Variants in JADE3 observed in about 807,000 individuals in gnomAD.
JADE3 encodes protein Jade-3.
A neutral mutation model predicts 50.1 loss-of-function variants in JADE3; 2 were observed. The observed-to-expected ratio is 0.04, with a 90% CI of 0.02 to 0.13. The LOEUF (loss-of-function observed/expected upper bound fraction) is 0.13, where lower values mean the gene tolerates loss of function less well. JADE3 is among the 10% of genes least tolerant of loss of function. JADE3 has a pLI of 1.00. For synonymous variants in JADE3, 218 were observed against 232.9 expected, an observed-to-expected ratio of 0.94 and a Z score of 0.58; for missense variants, 475 against 634.4, an observed-to-expected ratio of 0.75 and a Z score of 2.70.
At chrX:47,041,548 A>T (rs1364036134) in intron 8 of JADE3, among the ~76,000 whole-genome samples, 2 of 110,603 alleles carry the variant, frequency 1.8e-5, no homozygotes, top group Non-Finnish European at 3.8e-5. Flanking sequence ...TGGCTCATTT[A>T]AAAAATTTTT....
intron 8 of JADE3, among the ~76,000 whole-genome samples, chrX:47,041,455 A>G (rs1421845374): frequency 9.1e-6 from 1 of 110,259 alleles, no homozygotes; most frequent in Non-Finnish European, 1.9e-5. Context: ...CAGTGACACA[A>G]TCATAGCTCA....
chrX:46,944,758 G>T (rs1384019554), intron 1 of JADE3, among the ~76,000 whole-genome samples: 1 of 111,409 alleles, frequency 9.0e-6, no homozygotes, highest in East Asian at 2.8e-4. Context: ...TAATAAAAAT[G>T]TTACTCTCTT....
chrX:47,059,249 C>G lies in JADE3; in HGVS notation c.*172C>G, dbSNP rs1238308017. ...GAAAATGTTTCAAGTCTAGTTTTTA[C>G]AAGCACATTACAGTAATTGCAGGTT... On this transcript the variant is annotated 3_prime_UTR_variant, in exon 11 of 11. Transcript: ENST00000614628. 5 of 435,963 alleles carry G rather than the reference C, an allele frequency of 1.1e-5. No individual in the cohort carries two copies. The highest frequency in any genetic ancestry group is 6.4e-4 in the Middle Eastern group (1 of 1,558). 35.9% of individuals were successfully genotyped at this position (435,963 alleles called of 1,213,427 possible). A position where few individuals can be genotyped will look rare whatever the true frequency, so the allele number is the denominator to read the frequency against.
At chrX:46,997,314 GC>G (rs1556357630) in intron 3 of JADE3, among the ~76,000 whole-genome samples, 2 of 110,189 alleles carry the variant, frequency 1.8e-5, no homozygotes, top group African/African-American at 6.6e-5. Context: ...ACCAGCCTGG[GC>G]AACCTGTCGA....
At chrX:46,959,459 G>A (rs782501429) in intron 1 of JADE3, among the ~76,000 whole-genome samples, 1 of 111,987 alleles carries the variant, frequency 8.9e-6, no homozygotes, top group African/African-American at 3.2e-5. Flanking sequence ...TAGGCTCTGT[G>A]GTTATCACAG....
intron 6 of JADE3, among the ~76,000 whole-genome samples, chrX:47,031,133 A>G (rs1297642521): frequency 3.6e-5 from 4 of 111,486 alleles, no homozygotes; most frequent in East Asian, 2.8e-4. Context: ...TAAGTCCACA[A>G]AAGGGCTCAG....
intron 3 of JADE3, among the ~76,000 whole-genome samples, chrX:46,989,117 C>T (rs1473906308): frequency 8.9e-6 from 1 of 111,817 alleles, no homozygotes; most frequent in East Asian, 2.8e-4. Context: ...GGATTACAGA[C>T]GTGAGCCACT....
At chrX:47,028,153 C>T (rs782258766) in intron 6 of JADE3, 50 bp downstream of exon 6, 1 of 893,690 alleles carries the variant, frequency 1.1e-6, no homozygotes, top group Non-Finnish European at 1.6e-6. Context: ...CTTTCTGAAG[C>T]TCAGTGATGA....
chrX:47,020,861 T>A (rs1204358386), intron 4 of JADE3, among the ~76,000 whole-genome samples: 1 of 111,713 alleles, frequency 9.0e-6, no homozygotes, highest in Non-Finnish European at 1.9e-5. Context: ...ATGCCTGTAA[T>A]ACCAGCACTT....
At chrX:46,927,906 G>A (rs1358250709) in intron 1 of JADE3, among the ~76,000 whole-genome samples, 2 of 111,826 alleles carry the variant, frequency 1.8e-5, no homozygotes, top group African/African-American at 3.3e-5. Flanking sequence ...TATGAGGTGC[G>A]CACAGAAGAC....
intron 1 of JADE3, among the ~76,000 whole-genome samples, chrX:46,924,851 A>G (rs1239049152): frequency 8.9e-6 from 1 of 112,390 alleles, no homozygotes; most frequent in Non-Finnish European, 1.9e-5. Context: ...GCATGATTTT[A>G]TCTATTTAGA....
intron 1 of JADE3, among the ~76,000 whole-genome samples, chrX:46,937,906 G>T (rs1926668404): frequency 8.9e-6 from 1 of 111,751 alleles, no homozygotes; most frequent in Admixed American, 9.5e-5. Flanking sequence ...TTTGAACCTG[G>T]GAGGTGGAGG....
intron 1 of JADE3, among the ~76,000 whole-genome samples, chrX:46,964,306 G>A (rs1292429311): frequency 8.9e-6 from 1 of 112,022 alleles, no homozygotes; most frequent in Non-Finnish European, 1.9e-5. Flanking sequence ...GTGAGCTTGT[G>A]ACTACTTCAA....
intron 8 of JADE3, among the ~76,000 whole-genome samples, chrX:47,047,771 T>C (rs1929409727): frequency 9.0e-6 from 1 of 111,724 alleles, no homozygotes; most frequent in African/African-American, 3.3e-5. Flanking sequence ...TACTCCTAAG[T>C]ATATACTGCA....
chrX:47,002,902 T>G (rs1556359469), intron 4 of JADE3, among the ~76,000 whole-genome samples: 1 of 111,573 alleles, frequency 9.0e-6, no homozygotes, highest in Non-Finnish European at 1.9e-5. Context: ...CTTTCAGTCT[T>G]TCAATATATT....
chrX:46,945,558 T>A (rs1463179198), intron 1 of JADE3, among the ~76,000 whole-genome samples: 2 of 111,404 alleles, frequency 1.8e-5, no homozygotes, highest in Non-Finnish European at 3.8e-5. Context: ...CATGCAGTAC[T>A]CAACTAAGGG....
At chrX:47,037,501 T>G (rs782401064) in intron 7 of JADE3, among the ~76,000 whole-genome samples, 1 of 112,094 alleles carries the variant, frequency 8.9e-6, no homozygotes, top group East Asian at 2.8e-4. Context: ...TACGGTAACC[T>G]TGGCTGGGCG....
At chrX:46,927,978 T>C (rs1926408440) in intron 1 of JADE3, among the ~76,000 whole-genome samples, 2 of 112,074 alleles carry the variant, frequency 1.8e-5, no homozygotes, top group South Asian at 7.5e-4. Flanking sequence ...ACCTAAATGT[T>C]CTTTTATTGT....
chrX:47,048,768 A>G lies in JADE3; in HGVS notation c.973-5390A>G, dbSNP rs185221578. On this transcript the variant is annotated intron_variant, in intron 8 of 10. Transcript: ENST00000614628. Reference sequence around the variant, plus strand: ...GGGATTAGGTAGTGGCAATGGTTGCATGACTGTAAATATATTGAAAACCAT... The same window carrying G: ...GGGATTAGGTAGTGGCAATGGTTGCGTGACTGTAAATATATTGAAAACCAT... Among the ~76,000 whole-genome samples the G allele has an allele frequency of 2.1e-4, 23 of 112,101 alleles. No homozygotes were observed. In the East Asian group the frequency reaches 4.8e-3, roughly 23 times the overall value.
Sources: gnomAD v4.1 joint callset for allele counts (sites outside exome capture counted in the v4.1 genomes callset) on GRCh38, gnomAD v4.1.1 for gene constraint, MANE v1.5 for transcripts, NCBI Gene and HGNC (gene_info 2026-07-23, HGNC 2026-07-21) for gene names.